The following IL18BP variants were observed in gnomAD, a reference collection of about 807,000 sequenced individuals.
IL18BP encodes the protein interleukin-18-binding protein.
IL18BP carries 23 observed loss-of-function variants against 19.9 expected under a neutral mutation model. The ratio of observed to expected loss-of-function variants is 1.15; its 90% CI spans 0.83 to 1.64. IL18BP has a LOEUF of 1.64. IL18BP is among the 40% of genes most tolerant of loss of function. The pLI is 0.00. For missense variants in IL18BP, 239 were observed against 240.7 expected (o/e 0.99, Z 0.05); for synonymous variants, 107 against 101.0 (o/e 1.06, Z -0.35).
At chr11:71,999,457 G>GC in intron 1 of IL18BP, 2 of 229,056 alleles carry the variant, frequency 8.7e-6, no homozygotes, top group South Asian at 5.2e-5. Context: ...ATCCTCTGGA[G>GC]AGTAGGAGTC....
Position 72,000,045 on chromosome 11 carries a change from G to A in IL18BP, c.28+33G>A, listed in dbSNP as rs1474897006. 6 of 1,612,428 alleles carry A rather than the reference G, an allele frequency of 3.7e-6. No individual in the cohort carries two copies. The East Asian group carries it at 8.9e-5, about 24-fold the overall frequency. On this transcript the variant is annotated intron_variant, in intron 2 of 5. Coordinates refer to ENST00000393703, the MANE Select transcript of IL18BP (RefSeq NM_001039660.2). Reference sequence around the variant, plus strand: ...TTGGGGCTACGCATGGGCAGGCGGGGTAGGGTGAGGTCTATGAACAGAATG... The same window carrying A: ...TTGGGGCTACGCATGGGCAGGCGGGATAGGGTGAGGTCTATGAACAGAATG...
At chr11:72,003,258 G>T, downstream of IL18BP, 1 of 517,672 alleles carries the variant, frequency 1.9e-6, no homozygotes, top group Non-Finnish European at 3.5e-6. Context: ...TGGTTGTGAT[G>T]GAGAAGTGAC....
chr11:71,999,358 A>G, intron 1 of IL18BP: 1 of 331,088 alleles, frequency 3.0e-6, no homozygotes, highest in Non-Finnish European at 6.0e-6. Flanking sequence ...CTTGGGCGGG[A>G]CAGAATTGAT....
rs138685890 is a variant in IL18BP, at chr11:72,000,376, C to G, written c.54C>G (p.Leu18=). Residue 18 remains leucine (L), a synonymous_variant, in exon 3 of 6, where the codon CTC becomes CTG. Transcript: ENST00000393703. The part of the protein sequence containing the change: ...TPDLSPLWVL[L]LCAHVVTLLV... ...ACCTCAGCCCTTTGTGGGTCCTGCT[C>G]CTGTGTGCCCACGTCGTCACTCTCC... The G allele has an allele frequency of 1.2e-6, 2 of 1,614,024 alleles. No individual in the cohort carries two copies. The highest frequency in any genetic ancestry group is 2.2e-5 in the South Asian group (2 of 91,082).
At chr11:72,003,716 G>A (rs1955434528), downstream of IL18BP, 4 of 980,506 alleles carry the variant, frequency 4.1e-6, no homozygotes, top group Non-Finnish European at 4.7e-6. Context: ...ATGAGAATGG[G>A]GCCATCTGTC....
chr11:72,007,091 C>T (rs1346561443), downstream of IL18BP: 16 of 1,434,658 alleles, frequency 1.1e-5, no homozygotes, highest in Admixed American at 1.9e-5. Flanking sequence ...GGACTGGCTG[C>T]TCATCCCTCC....
chr11:72,004,979 A>G (rs1955589055), downstream of IL18BP, among the ~76,000 whole-genome samples: 1 of 151,924 alleles, frequency 6.6e-6, no homozygotes, highest in Non-Finnish European at 1.5e-5. Flanking sequence ...TCTGCTTTCT[A>G]CCTAAGCCCT....
At chr11:72,003,650 G>A, downstream of IL18BP, 1 of 1,402,686 alleles carries the variant, frequency 7.1e-7, no homozygotes, top group South Asian at 1.2e-5. Context: ...CCCCTCCCTT[G>A]TGAGCCCCAG....
rs563861676 is a variant in IL18BP, at chr11:72,002,022, C to T, written c.*161C>T. On this transcript the variant is annotated 3_prime_UTR_variant, in exon 6 of 6. Coordinates refer to ENST00000393703, the MANE Select transcript of IL18BP (RefSeq NM_001039660.2). ...CCCTTCTCTCACCAAATTCAAACTC[C>T]ATTCCCACCTACCTAGAAAATCACA... 188 of 1,001,214 alleles carry T rather than the reference C, an allele frequency of 1.9e-4. No individual in the cohort carries two copies. The highest frequency in any genetic ancestry group is 9.6e-4 in the Middle Eastern group (3 of 3,126). 62.0% of individuals were successfully genotyped at this position (1,001,214 alleles called of 1,614,324 possible).
At chr11:72,003,331 C>T (rs1955388788), downstream of IL18BP, 2 of 624,760 alleles carry the variant, frequency 3.2e-6, no homozygotes, top group Non-Finnish European at 5.8e-6. Flanking sequence ...GCTCCAGGCC[C>T]CCTGGGCCAG....
downstream of IL18BP, among the ~76,000 whole-genome samples, chr11:72,006,437 A>G (rs552691775): frequency 2.0e-5 from 3 of 152,216 alleles, no homozygotes; most frequent in Non-Finnish European, 4.4e-5. Context: ...AGAAGCCCTC[A>G]CAAGGTGGTG....
At chr11:72,000,610 C>T (rs1955163301) in intron 3 of IL18BP, 53 bp downstream of exon 3, 4 of 1,498,884 alleles carry the variant, frequency 2.7e-6, no homozygotes, top group African/African-American at 1.4e-5. Context: ...TTCCCAGGGT[C>T]GGGTTGACTC....
At chr11:72,007,418 T>C, downstream of IL18BP, 2 of 1,613,640 alleles carry the variant, frequency 1.2e-6, no homozygotes, top group South Asian at 2.2e-5. Flanking sequence ...GCCGTCTGGC[T>C]GGGTACGAGG....
downstream of IL18BP, chr11:72,007,772 A>G: frequency 2.6e-6 from 1 of 386,004 alleles, no homozygotes; most frequent in Non-Finnish European, 4.8e-6. Context: ...AGTGAATAGG[A>G]ACGCCCCCCA....
At chr11:72,004,965 C>T (rs1955588551), downstream of IL18BP, 5 of 870,966 alleles carry the variant, frequency 5.7e-6, no homozygotes, top group South Asian at 7.4e-5. Flanking sequence ...GCCTCCTTTC[C>T]TGTTCTGCTT....
chr11:72,007,201 G>T (rs1457719894), downstream of IL18BP: 9 of 1,609,424 alleles, frequency 5.6e-6, no homozygotes, highest in Admixed American at 3.3e-5. Flanking sequence ...TGGTCATGGT[G>T]ATGTTGATGA....
downstream of IL18BP, chr11:72,004,196 G>A (rs371133975): frequency 1.0e-4 from 164 of 1,603,350 alleles, no homozygotes; most frequent in Admixed American, 8.6e-4. Flanking sequence ...CCAGGGCGTC[G>A]CTTCATCCCC....
At position 72,001,991 on chromosome 11, in the gene IL18BP, T is replaced by C. The variant is rs545648211; in HGVS notation, c.*130T>C. On this transcript the variant is annotated 3_prime_UTR_variant, in exon 6 of 6. Transcript: ENST00000393703. The stretch of plus-strand genomic sequence containing the variant: ...GCAACACACCCCCTCCTTCTCTGCT[T>C]TGGGTCCCTTCTCTCACCAAATTCA... The C allele has an allele frequency of 2.9e-6, 4 of 1,376,988 alleles. No individual in the cohort carries two copies. Among genetic ancestry groups the C allele is most frequent in the East Asian group, 2.5e-5 (1 of 39,652 alleles). 85.3% of individuals were successfully genotyped at this position (1,376,988 alleles called of 1,614,324 possible).
chr11:72,007,528 A>G (rs997373833), downstream of IL18BP: 2 of 1,473,034 alleles, frequency 1.4e-6, no homozygotes, highest in African/African-American at 2.8e-5. Context: ...CATCCTTACT[A>G]CAAGCAGATG....
Sources: allele counts gnomAD v4.1 joint callset (sites outside exome capture counted in the v4.1 genomes callset), GRCh38; gene constraint gnomAD v4.1.1; transcripts MANE v1.5; gene names NCBI Gene and HGNC (gene_info 2026-07-23, HGNC 2026-07-21).